The following DOCK9 variants were observed in gnomAD, a reference collection of about 807,000 sequenced individuals.
DOCK9 encodes dedicator of cytokinesis 9.
A neutral mutation model predicts 263.3 loss-of-function variants in DOCK9; 89 were observed. The observed-to-expected ratio is 0.34, with a 90% CI of 0.28 to 0.40. The LOEUF is 0.40. Among genes scored for constraint, DOCK9 ranks in the 10% least tolerant of loss-of-function variants. The probability of loss-of-function intolerance (pLI) is 1.00; values close to 1 mark genes in which losing one functional copy is unlikely to be tolerated. For missense variants in DOCK9, 2,140 were observed against 2,603.4 expected, an observed-to-expected ratio of 0.82 and a Z score of 3.87; for synonymous variants, 976 against 973.1, an observed-to-expected ratio of 1.00 and a Z score of -0.06.
chr13:98,981,696 A>G (rs538541794), upstream of DOCK9, among the ~76,000 whole-genome samples: 2 of 152,340 alleles, frequency 1.3e-5, no homozygotes, highest in South Asian at 4.1e-4. Context: ...CTCACTTAGG[A>G]CAAACCAACA....
intron 45 of DOCK9, among the ~76,000 whole-genome samples, chr13:98,812,229 C>T (rs1395061988): frequency 7.4e-6 from 1 of 135,786 alleles, no homozygotes; most frequent in Non-Finnish European, 1.5e-5. Context: ...ACAAAAGGTA[C>T]TGAGTACTCC....
rs373461191 is a variant in DOCK9, at chr13:99,059,410, C to T, written c.129+26813G>A. Among the ~76,000 whole-genome samples the T allele has an allele frequency of 4.7e-5, 7 of 150,474 alleles. 1 individual carries two copies. In the South Asian group the frequency reaches 1.1e-3, roughly 23 times the overall value. ...GCATCATCCTTGATTCCTCTCCCCT[C>T]CCTCCTACATCTAATCAATTACCCA... On this transcript the variant is annotated intron_variant, in intron 1 of 32. Transcript: ENST00000427887.
chr13:98,849,838 G>C (rs1303673748), intron 36 of DOCK9, among the ~76,000 whole-genome samples: 1 of 152,110 alleles, frequency 6.6e-6, no homozygotes, highest in African/African-American at 2.4e-5. Flanking sequence ...AAACAGGCAC[G>C]TATCTGTAAT....
At chr13:98,887,922 A>G (rs1245823144) in intron 18 of DOCK9, among the ~76,000 whole-genome samples, 1 of 152,276 alleles carries the variant, frequency 6.6e-6, no homozygotes, top group Non-Finnish European at 1.5e-5. Context: ...TTGAGTGTGT[A>G]TAAGAAACTC....
intron 45 of DOCK9, among the ~76,000 whole-genome samples, chr13:98,813,687 T>C (rs779267332): frequency 6.6e-6 from 1 of 152,198 alleles, no homozygotes; most frequent in Non-Finnish European, 1.5e-5. Flanking sequence ...TTGCCCAGGC[T>C]GGAGTGCGAC....
chr13:99,044,090 C>T (rs60875603), intron 1 of DOCK9, among the ~76,000 whole-genome samples: 14,963 of 152,264 alleles, frequency 0.098, 1,044 homozygotes, highest in East Asian at 0.24. Context: ...TATCTGCTAA[C>T]AATAGCTCAG....
At chr13:98,999,316 A>ACAAACACACACACACTCTCT in intron 1 of DOCK9, among the ~76,000 whole-genome samples, 1 of 138,292 alleles carries the variant, frequency 7.2e-6, no homozygotes, top group African/African-American at 2.8e-5. Flanking sequence ...ACACACACAC[A>ACAAACACACACACACTCTCT]CTCTCTCTCT....
intron 1 of DOCK9, among the ~76,000 whole-genome samples, chr13:99,071,496 G>A (rs374798513): frequency 7.3e-5 from 11 of 151,610 alleles, no homozygotes; most frequent in African/African-American, 2.7e-4. Flanking sequence ...ATAAGGAAGA[G>A]AAAATATACT....
At chr13:98,887,942 A>C (rs1467196682) in intron 18 of DOCK9, among the ~76,000 whole-genome samples, 1 of 152,172 alleles carries the variant, frequency 6.6e-6, no homozygotes, top group Non-Finnish European at 1.5e-5. Context: ...CTGATCCTTA[A>C]AAAGAATAAA....
chr13:99,050,112 T>G (rs1209372119), intron 1 of DOCK9, among the ~76,000 whole-genome samples: 1 of 152,160 alleles, frequency 6.6e-6, no homozygotes, highest in African/African-American at 2.4e-5. Context: ...GCATGTTGGA[T>G]CCTGTCTAAA....
At chr13:99,016,221 G>T (rs796254362) in intron 1 of DOCK9, among the ~76,000 whole-genome samples, 1 of 152,084 alleles carries the variant, frequency 6.6e-6, no homozygotes, top group African/African-American at 2.4e-5. Context: ...TCCAAAAAAC[G>T]AGTGAAATCT....
At position 98,794,290 on chromosome 13, in the gene DOCK9, T is replaced by G; in HGVS notation, c.*336A>C. The G allele has an allele frequency of 4.2e-6, 1 of 240,104 alleles. No homozygotes were observed. Among genetic ancestry groups the G allele is most frequent in the Non-Finnish European group, 7.9e-6 (1 of 125,986 alleles). 14.9% of individuals were successfully genotyped at this position (240,104 alleles called of 1,614,324 possible). Reference sequence around the variant, plus strand: ...AATGTCAGTGCAGCCCTCCCTGCCATGTAGATCCCAGAACCTTTTTTTTCT... The same window carrying G: ...AATGTCAGTGCAGCCCTCCCTGCCAGGTAGATCCCAGAACCTTTTTTTTCT... On this transcript the variant is annotated 3_prime_UTR_variant, in exon 53 of 53. Coordinates refer to ENST00000682017, the MANE Select transcript of DOCK9 (RefSeq NM_001366683.2).
Position 98,970,663 on chromosome 13 carries a change from C to T in DOCK9, c.126+7121G>A, listed in dbSNP as rs140083552. ...CACTTACATTTGTCAGGAAAGGGAA[C>T]GCTGAAAATTTCCAAAGCCTCAAAA... On this transcript the variant is annotated intron_variant, in intron 1 of 52. Coordinates refer to ENST00000682017, the MANE Select transcript of DOCK9 (RefSeq NM_001366683.2). Among the ~76,000 whole-genome samples, 25 of 152,286 alleles carry T rather than the reference C, an allele frequency of 1.6e-4. No homozygotes were observed. In the East Asian group the frequency reaches 3.3e-3, roughly 20 times the overall value.
intron 1 of DOCK9, among the ~76,000 whole-genome samples, chr13:99,007,019 G>A (rs1238333760): frequency 6.6e-6 from 1 of 152,160 alleles, no homozygotes; most frequent in African/African-American, 2.4e-5. Flanking sequence ...TTGAGCCCAG[G>A]AGGCAGAGGC....
intron 37 of DOCK9, 71 bp downstream of exon 37, chr13:98,848,521 A>C: frequency 6.6e-7 from 1 of 1,522,546 alleles, no homozygotes; most frequent in Non-Finnish European, 9.0e-7. Flanking sequence ...GCCACTGATG[A>C]CCAATCCCAC....
At chr13:98,809,192 A>C in intron 47 of DOCK9, 160 bp downstream of exon 47, 1 of 1,355,216 alleles carries the variant, frequency 7.4e-7, no homozygotes, top group Non-Finnish European at 1.0e-6. Flanking sequence ...ACTACTGAGG[A>C]AGATAAGAAT....
At position 98,825,812 on chromosome 13, in the gene DOCK9, C is replaced by T. The variant is rs757517947; in HGVS notation, c.5023+1018G>A. 106 of 1,183,978 alleles carry T rather than the reference C, an allele frequency of 9.0e-5. No homozygotes were observed. The highest frequency in any genetic ancestry group is 2.4e-4 in the East Asian group (8 of 32,660). The allele number at this position is 1,183,978 out of a possible 1,614,324, so 73.3% of individuals were successfully genotyped here. On this transcript the variant is annotated intron_variant, in intron 44 of 52. Transcript: ENST00000682017. The surrounding 1 kb of genome is among the most constrained non-coding windows in gnomAD (Gnocchi z 4.1). ...AGTTAAAAGGGCAAATCCCCCACCA[C>T]GGGAGGGCACGTGACCAGGGCAGGG...
chr13:98,913,478 A>G (rs2050393840), intron 9 of DOCK9, among the ~76,000 whole-genome samples: 1 of 152,220 alleles, frequency 6.6e-6, no homozygotes, highest in African/African-American at 2.4e-5. Flanking sequence ...TAGTACAAAT[A>G]AAAGGGGTAA....
In DOCK9 at chr13:98,883,079, G is replaced by A. The variant is rs367727155; in HGVS notation, c.2522C>T (p.Ala841Val). Residue 841 changes from alanine (A) to valine (V), a missense_variant, in exon 23 of 53, where the codon GCC becomes GTC. This residue lies in a region of DOCK9 where 1,521 missense variants were observed against 1,741.7 expected (regional missense o/e 0.87). Transcript: ENST00000682017. ...TACAAGTTCGTTTCCTAAGGCTTGG[G>A]CTCCAGATTCGGTTTTCTGACAGTA... ...FQYCQKTESGAQALGNELVKY... is the reference protein window; with the variant it reads ...FQYCQKTESGVQALGNELVKY... 6 of 1,613,752 alleles carry A rather than the reference G, an allele frequency of 3.7e-6. No homozygotes were observed. Among genetic ancestry groups the A allele is most frequent in the Non-Finnish European group, 4.2e-6 (5 of 1,179,868 alleles).
Sources: allele counts gnomAD v4.1 joint callset (sites outside exome capture counted in the v4.1 genomes callset), GRCh38; gene constraint gnomAD v4.1.1; regional missense constraint gnomAD v4.1.1; non-coding constraint Gnocchi (gnomAD v3.1); transcripts MANE v1.5; gene names NCBI Gene and HGNC (gene_info 2026-07-23, HGNC 2026-07-21).